Variants in CACNA1B observed in about 807,000 individuals in gnomAD.
CACNA1B encodes calcium voltage-gated channel subunit alpha1 B, also known as voltage-dependent N-type calcium channel subunit alpha-1B.
A neutral mutation model predicts 247.2 loss-of-function variants in CACNA1B; 70 were observed. The ratio of observed to expected loss-of-function variants is 0.28; its 90% CI spans 0.23 to 0.35. CACNA1B has a LOEUF of 0.35. CACNA1B is among the 10% of genes least tolerant of loss of function. CACNA1B has a pLI of 1.00. For missense variants in CACNA1B, 2,367 were observed against 3,197.4 expected (o/e 0.74, Z 6.26); for synonymous variants, 1,231 against 1,294.4 (o/e 0.95, Z 1.05).
chr9:137,879,004 T>A (rs770908594), intron 1 of CACNA1B, 50 bp from the exon 2 acceptor site: 5 of 1,251,170 alleles, frequency 4.0e-6, no homozygotes, highest in Non-Finnish European at 5.7e-6. Flanking sequence ...GGCGTCGGCC[T>A]CGTGTTTCCC....
intron 36 of CACNA1B, among the ~76,000 whole-genome samples, chr9:138,094,050 C>T (rs530532888): frequency 1.3e-5 from 2 of 152,114 alleles, no homozygotes; most frequent in Admixed American, 6.5e-5. Context: ...AATGGGTAAA[C>T]AATGTATGAA....
chr9:138,038,430 C>T (rs535757250), intron 20 of CACNA1B, among the ~76,000 whole-genome samples: 15 of 152,348 alleles, frequency 9.8e-5, no homozygotes, highest in East Asian at 3.9e-4. Flanking sequence ...TCCACCCCCC[C>T]ACCCCTGTAC....
rs2133337910 is a variant in CACNA1B at position 137,952,433 on chromosome 9, T to A, written c.1070+56T>A. ...CCCCTCTGTGTTCTCAGCTGAGGGG[T>A]CAACAGGGGCACGTGTGACACTTGG... On this transcript the variant is annotated intron_variant, in intron 7 of 46. Transcript: ENST00000371372. This position sits in a 1 kb window ranked among gnomAD's most constrained non-coding sequence, Gnocchi z 4.8. 7.1e-7 allele frequency: 1 copy of A among 1,413,464 alleles called. No homozygotes were observed. Among genetic ancestry groups the A allele is most frequent in the Non-Finnish European group, 1.0e-6 (1 of 998,970 alleles). 87.6% of individuals were successfully genotyped at this position (1,413,464 alleles called of 1,614,324 possible).
At chr9:137,963,578 T>C (rs569147773) in intron 10 of CACNA1B, among the ~76,000 whole-genome samples, 1 of 152,250 alleles carries the variant, frequency 6.6e-6, no homozygotes, top group South Asian at 2.1e-4. Context: ...TTTGTATTTT[T>C]AGTAGAGATG....
intron 31 of CACNA1B, among the ~76,000 whole-genome samples, chr9:138,063,440 G>T (rs1007039588): frequency 3.3e-5 from 5 of 152,242 alleles, no homozygotes; most frequent in Admixed American, 6.5e-5. Flanking sequence ...GCTGCAGTGA[G>T]CTATGATCGC....
In CACNA1B at chr9:138,069,689, C is replaced by T. The variant is rs929218857; in HGVS notation, c.4669-69C>T. 2.7e-5 allele frequency: 33 copies of T among 1,207,576 alleles called. No individual in the cohort carries two copies. In the African/African-American group the frequency reaches 4.6e-4, roughly 17 times the overall value. The allele number at this position is 1,207,576 out of a possible 1,614,324, so 74.8% of individuals were successfully genotyped here. A position where few individuals can be genotyped will look rare whatever the true frequency, so the allele number is the denominator to read the frequency against. ...CATGTCTCCGTCTGTATGTTGTGCA[C>T]CTGCTGCTCAAACCTCCCCAATTTG... is the stretch of plus-strand genomic sequence containing the variant. On this transcript the variant is annotated intron_variant, in intron 31 of 46. Transcript: ENST00000371372.
In CACNA1B at chr9:138,105,709, G is replaced by A. The variant is rs866214887; in HGVS notation, c.5330G>A (p.Arg1777His). ...CCTGCTTGTCCCTAGCGCCTGGTTC[G>A]CATGAACATGCCCATCTCCAACGAG... is the stretch of plus-strand genomic sequence containing the variant. Reference protein sequence around the residue: ...PARVAYKRLVRMNMPISNEDM... With the variant: ...PARVAYKRLVHMNMPISNEDM... Residue 1777 changes from arginine to histidine, a missense_variant, in exon 39 of 47, where the codon CGC becomes CAC. Transcript: ENST00000371372. 7.7e-6 allele frequency: 12 copies of A among 1,553,866 alleles called. No individual in the cohort carries two copies. Among genetic ancestry groups the A allele is most frequent in the African/African-American group, 4.1e-5 (3 of 73,232 alleles).
chr9:138,025,901 GA>G (rs1260769968), intron 20 of CACNA1B, among the ~76,000 whole-genome samples: 1 of 151,990 alleles, frequency 6.6e-6, no homozygotes, highest in Non-Finnish European at 1.5e-5. Context: ...TAAGTACAGA[GA>G]AAAAAGGGGT....
chr9:138,010,085 G>A lies in CACNA1B; in HGVS notation c.2160+8G>A, dbSNP rs549588684. ...GCCCAAGAGCTGACCAAGGTAGGTG[G>A]CGACAGGGAGGGACCGGTGTCAGCC... is the stretch of plus-strand genomic sequence containing the variant. On this transcript the variant is annotated splice_region_variant and intron_variant, in intron 17 of 46. Transcript: ENST00000371372. The surrounding 1 kb of genome is among the most constrained non-coding windows in gnomAD (Gnocchi z 5.3). 9.9e-6 allele frequency: 16 copies of A among 1,610,904 alleles called. No homozygotes were observed. In the East Asian group the frequency reaches 3.6e-4, roughly 36 times the overall value.
rs139838695 is a variant in CACNA1B, at chr9:137,951,109, G to A, written c.967-1165G>A. Among the ~76,000 whole-genome samples the A allele has an allele frequency of 3.0e-4, 46 of 152,342 alleles. No individual in the cohort carries two copies. The East Asian group carries it at 8.7e-3, about 29-fold the overall frequency. On this transcript the variant is annotated intron_variant, in intron 6 of 46. Coordinates refer to ENST00000371372, the MANE Select transcript of CACNA1B (RefSeq NM_000718.4). The stretch of plus-strand genomic sequence containing the variant: ...GAGGGTGTGCTTGTGGGAAGTTGGT[G>A]GCTTTGGTGGCCACTCAGTCCACAG...
chr9:137,936,389 T>G (rs979109559), intron 6 of CACNA1B, among the ~76,000 whole-genome samples: 1 of 152,232 alleles, frequency 6.6e-6, no homozygotes, highest in Non-Finnish European at 1.5e-5. Context: ...ATTAGCCCTT[T>G]GTCTGATGGG....
intron 6 of CACNA1B, among the ~76,000 whole-genome samples, chr9:137,936,787 T>C (rs1203605427): frequency 6.6e-6 from 1 of 152,216 alleles, no homozygotes; most frequent in Non-Finnish European, 1.5e-5. Context: ...ATCAGATGGT[T>C]GTAGATGTAT....
chr9:137,883,651 T>TC (rs1204025355), intron 3 of CACNA1B, among the ~76,000 whole-genome samples: 1 of 151,740 alleles, frequency 6.6e-6, no homozygotes, highest in Non-Finnish European at 1.5e-5. Flanking sequence ...CTGCTGTGGC[T>TC]CTGGTGTGGA....
Position 138,053,947 on chromosome 9 carries a change from C to T in CACNA1B, c.3909C>T (p.Leu1303=). 6 of 1,613,908 alleles carry T rather than the reference C, an allele frequency of 3.7e-6. No individual in the cohort carries two copies. Among genetic ancestry groups the T allele is most frequent in the Non-Finnish European group, 5.1e-6 (6 of 1,179,778 alleles). The change falls in exon 26 of 47, where the codon CTC becomes CTT. Residue 1303 remains leucine, a synonymous_variant. Coordinates refer to ENST00000371372, the MANE Select transcript of CACNA1B (RefSeq NM_000718.4). Reference sequence around the variant, plus strand: ...TATTTGCCGTCATTGCGGTGCAGCTCTTCAAAGGGAAGTTTTTCTACTGCA... The same window carrying T: ...TATTTGCCGTCATTGCGGTGCAGCTTTTCAAAGGGAAGTTTTTCTACTGCA... ...MFIFAVIAVQ[L]FKGKFFYCTD...
intron 20 of CACNA1B, among the ~76,000 whole-genome samples, chr9:138,036,974 C>T (rs899245995): frequency 1.3e-5 from 2 of 152,134 alleles, no homozygotes; most frequent in Non-Finnish European, 2.9e-5. Context: ...TCAAAAATAA[C>T]TTTTTACGGT....
At chr9:137,939,410 G>T (rs1413375626) in intron 6 of CACNA1B, among the ~76,000 whole-genome samples, 1 of 152,096 alleles carries the variant, frequency 6.6e-6, no homozygotes, top group African/African-American at 2.4e-5. Flanking sequence ...ACTCCAAGAA[G>T]AACCCTCAAA....
intron 31 of CACNA1B, among the ~76,000 whole-genome samples, chr9:138,064,337 CCTT>C (rs1208980020): frequency 3.9e-5 from 6 of 152,162 alleles, no homozygotes; most frequent in South Asian, 2.1e-4. Flanking sequence ...TGTCTGGACT[CCTT>C]CTTGTGTTGT....
intron 20 of CACNA1B, among the ~76,000 whole-genome samples, chr9:138,031,057 T>C (rs779159639): frequency 6.7e-6 from 1 of 150,256 alleles, no homozygotes; most frequent in African/African-American, 2.4e-5. Context: ...TGATTTCTGC[T>C]GTTTATTATT....
intron 36 of CACNA1B, 122 bp from the exon 37 acceptor site, chr9:138,096,362 G>A (rs1188927908): frequency 5.1e-6 from 4 of 783,642 alleles, no homozygotes; most frequent in Non-Finnish European, 8.6e-6. Context: ...GGCATGTGCT[G>A]GTCAAATCAG....
Sources: allele counts gnomAD v4.1 joint callset (sites outside exome capture counted in the v4.1 genomes callset), GRCh38; gene constraint gnomAD v4.1.1; non-coding constraint Gnocchi (gnomAD v3.1); transcripts MANE v1.5; gene names NCBI Gene and HGNC (gene_info 2026-07-23, HGNC 2026-07-21).